Variants in BOLL observed in about 807,000 individuals in gnomAD.
BOLL encodes boule RNA binding protein.
In BOLL, 23 loss-of-function variants were observed where a neutral mutation model predicts 44.4. The observed-to-expected ratio is 0.52, with a 90% CI of 0.37 to 0.73. The LOEUF (loss-of-function observed/expected upper bound fraction) is 0.73, where lower values mean the gene tolerates loss of function less well. BOLL is among the 30% of genes least tolerant of loss of function. The probability of loss-of-function intolerance (pLI) is 0.00; values close to 1 mark genes in which losing one functional copy is unlikely to be tolerated. For synonymous variants in BOLL, 97 were observed against 110.8 expected, an observed-to-expected ratio of 0.88 and a Z score of 0.78; for missense variants, 287 against 338.3, an observed-to-expected ratio of 0.85 and a Z score of 1.19.
chr2:197,784,239 A>T (rs993770726), intron 1 of BOLL, among the ~76,000 whole-genome samples: 3 of 151,444 alleles, frequency 2.0e-5, no homozygotes, highest in Non-Finnish European at 4.4e-5. Context: ...TGCTTTTTTC[A>T]TGGCAGCATC....
At chr2:197,763,298 G>A (rs1688844174) in intron 7 of BOLL, among the ~76,000 whole-genome samples, 1 of 151,770 alleles carries the variant, frequency 6.6e-6, no homozygotes, top group Non-Finnish European at 1.5e-5. Context: ...CTGGCTAACA[G>A]GGTGAAACCC....
chr2:197,785,287 G>C lies in BOLL; in HGVS notation c.-247C>G. The C allele has an allele frequency of 7.1e-6, 7 of 985,242 alleles. No individual in the cohort carries two copies. The highest frequency in any genetic ancestry group is 8.4e-6 in the Non-Finnish European group (7 of 829,704). The allele number at this position is 985,242 out of a possible 1,614,324, so 61.0% of individuals were successfully genotyped here. On this transcript the variant is annotated 5_prime_UTR_variant, in exon 1 of 11. Coordinates refer to ENST00000392296, the MANE Select transcript of BOLL (RefSeq NM_033030.6). The surrounding 1 kb of genome is among the most constrained non-coding windows in gnomAD (Gnocchi z 6.7). ...GCAGCAGTGGCGGGAAGCCTCAACGGCAGCGACCCCGCCGCTGGCCTCGTG... is the reference window on the plus strand; with the variant it reads ...GCAGCAGTGGCGGGAAGCCTCAACGCCAGCGACCCCGCCGCTGGCCTCGTG...
intron 10 of BOLL, among the ~76,000 whole-genome samples, chr2:197,734,920 G>A (rs774182633): frequency 3.3e-5 from 5 of 151,956 alleles, no homozygotes; most frequent in African/African-American, 9.7e-5. Flanking sequence ...GAATCTGCAC[G>A]TTGTGCACAT....
intron 6 of BOLL, among the ~76,000 whole-genome samples, chr2:197,767,405 A>T (rs1348633283): frequency 6.6e-6 from 1 of 152,042 alleles, no homozygotes; most frequent in African/African-American, 2.4e-5. Context: ...AGACTATGGT[A>T]TGCTAATAAA....
At chr2:197,760,442 G>C (rs1688702752) in intron 7 of BOLL, among the ~76,000 whole-genome samples, 2 of 152,208 alleles carry the variant, frequency 1.3e-5, no homozygotes, top group Admixed American at 6.5e-5. Context: ...CTGCATACCA[G>C]ACCTGAGAAA....
chr2:197,763,130 T>A (rs1688834219), intron 7 of BOLL, among the ~76,000 whole-genome samples: 1 of 152,100 alleles, frequency 6.6e-6, no homozygotes, highest in African/African-American at 2.4e-5. Context: ...AAGAAACGGA[T>A]AAATTCCTGA....
At chr2:197,762,688 T>C (rs985697825) in intron 7 of BOLL, among the ~76,000 whole-genome samples, 2 of 151,932 alleles carry the variant, frequency 1.3e-5, no homozygotes, top group African/African-American at 4.8e-5. Context: ...AGAATGAAAA[T>C]AGAAACACAG....
rs190862250 is a variant in BOLL at position 197,771,750 on chromosome 2, G to A, written c.480+105C>T. 587 of 1,273,622 alleles carry A rather than the reference G, an allele frequency of 4.6e-4. 5 individuals are homozygous for A. In the African/African-American group the frequency reaches 8.7e-3, roughly 19 times the overall value. The allele number at this position is 1,273,622 out of a possible 1,614,324, so 78.9% of individuals were successfully genotyped here. ...TGTCTATTTAATTTGGTTGATGTGT[G>A]TTATTATTTGTAATTATCTGTGGTT... On this transcript the variant is annotated intron_variant, in intron 6 of 10. Coordinates refer to ENST00000392296, the MANE Select transcript of BOLL (RefSeq NM_033030.6).
At chr2:197,766,632 G>C (rs534773890) in intron 6 of BOLL, 29 bp from the exon 7 acceptor site, 2 of 1,531,988 alleles carry the variant, frequency 1.3e-6, no homozygotes, top group East Asian at 4.5e-5. Context: ...AGAAAAATTA[G>C]GCAGAAGCCT....
At chr2:197,785,855 G>T, upstream of BOLL, 1 of 843,542 alleles carries the variant, frequency 1.2e-6, no homozygotes, top group Non-Finnish European at 1.9e-6. This position sits in a 1 kb window ranked among gnomAD's most constrained non-coding sequence, Gnocchi z 6.7. Flanking sequence ...ACCTGGCCAC[G>T]TTTCTTCCCA....
chr2:197,783,151 G>A (rs969614722), intron 1 of BOLL, among the ~76,000 whole-genome samples: 11 of 152,086 alleles, frequency 7.2e-5, no homozygotes, highest in Middle Eastern at 3.2e-3. Flanking sequence ...TCCTAAATGT[G>A]TGCTTCAAAA....
chr2:197,729,962 G>A (rs1428081638), intron 10 of BOLL, among the ~76,000 whole-genome samples: 33 of 152,052 alleles, frequency 2.2e-4, no homozygotes, highest in Admixed American at 1.6e-3. Flanking sequence ...AGCTGGATGG[G>A]GAATGACTTT....
At chr2:197,767,846 C>T (rs189601562) in intron 6 of BOLL, among the ~76,000 whole-genome samples, 129 of 152,080 alleles carry the variant, frequency 8.5e-4, no homozygotes, top group African/African-American at 3.0e-3. Context: ...TGTATGTATA[C>T]ATGCATGCAT....
At chr2:197,765,354 C>A (rs919792070) in intron 7 of BOLL, among the ~76,000 whole-genome samples, 2 of 150,838 alleles carry the variant, frequency 1.3e-5, no homozygotes. Context: ...AAAAAAACAA[C>A]AAAAAATCCA....
chr2:197,781,939 T>C, intron 1 of BOLL, 74 bp from the exon 2 acceptor site: 2 of 1,322,996 alleles, frequency 1.5e-6, no homozygotes, highest in Non-Finnish European at 2.0e-6. Context: ...ACCAAAAACA[T>C]ATATTTTTCA....
chr2:197,786,060 C>T, upstream of BOLL: 2 of 1,593,080 alleles, frequency 1.3e-6, no homozygotes, highest in South Asian at 2.3e-5. The surrounding 1 kb of genome is among the most constrained non-coding windows in gnomAD (Gnocchi z 5.9). Flanking sequence ...AAGTTTGAAA[C>T]CACCTTCACG....
At chr2:197,771,472 T>C (rs1004328741) in intron 6 of BOLL, among the ~76,000 whole-genome samples, 2 of 151,926 alleles carry the variant, frequency 1.3e-5, no homozygotes, top group East Asian at 1.9e-4. Flanking sequence ...GTTGTGCACA[T>C]GTACCCTAGA....
At chr2:197,773,443 T>C (rs1427238205) in intron 5 of BOLL, among the ~76,000 whole-genome samples, 1 of 151,906 alleles carries the variant, frequency 6.6e-6, no homozygotes, top group African/African-American at 2.4e-5. Flanking sequence ...AAGATAGTCA[T>C]TAGTTGATTA....
rs1559384711 is a variant in BOLL at position 197,728,574 on chromosome 2, A to G, written c.833T>C (p.Val278Ala). ...PVMQPEPIKT[V>A]WSIHY Reference sequence around the variant, plus strand: ...ATTGTCTTAATAATGAATGCTCCACACTGTCTGTTAAGTAAAGAGAAAATA... The same window carrying G: ...ATTGTCTTAATAATGAATGCTCCACGCTGTCTGTTAAGTAAAGAGAAAATA... The change falls in exon 11 of 11, where the codon GTG (valine) becomes GCG (alanine). Residue 278 changes from valine to alanine, a missense_variant. Physicochemically the swap from Val to Ala is moderately conservative, Grantham distance 64. Coordinates refer to ENST00000392296, the MANE Select transcript of BOLL (RefSeq NM_033030.6). 1.2e-5 allele frequency: 20 copies of G among 1,603,308 alleles called. No individual in the cohort carries two copies. The highest frequency in any genetic ancestry group is 1.7e-5 in the Non-Finnish European group (20 of 1,171,256).
Sources: gnomAD v4.1 joint callset for allele counts (sites outside exome capture counted in the v4.1 genomes callset) on GRCh38, gnomAD v4.1.1 for gene constraint, Gnocchi (gnomAD v3.1) non-coding constraint, MANE v1.5 for transcripts, NCBI Gene and HGNC (gene_info 2026-07-23, HGNC 2026-07-21) for gene names.